LMO7: variants seen among roughly 807,000 people sequenced by gnomAD.
LMO7 encodes LIM domain 7, also known as LIM domain only protein 7.
LMO7 carries 120 observed loss-of-function variants against 206.5 expected under a neutral mutation model. The observed-to-expected ratio is 0.58, with a 90% confidence interval of 0.50 to 0.68. The LOEUF (loss-of-function observed/expected upper bound fraction) is 0.68, where lower values mean the gene tolerates loss of function less well. LMO7 is among the 30% of genes least tolerant of loss of function. LMO7 has a pLI of 0.00. For synonymous variants in LMO7, 706 were observed against 681.5 expected (o/e 1.04, Z -0.56); for missense variants, 1,959 against 1,957.9 (o/e 1.00, Z -0.01).
At chr13:75,705,091 C>T (rs573773123) in intron 1 of LMO7, among the ~76,000 whole-genome samples, 1 of 152,166 alleles carries the variant, frequency 6.6e-6, no homozygotes, top group African/African-American at 2.4e-5. Flanking sequence ...CCTCGGGAGG[C>T]CGCTCCGCCC....
chr13:75,811,852 A>T (rs2056434557), intron 11 of LMO7, among the ~76,000 whole-genome samples: 2 of 152,210 alleles, frequency 1.3e-5, no homozygotes, highest in South Asian at 4.1e-4. Flanking sequence ...GTATGTGATT[A>T]AGCTGTTGAA....
rs1250712539 is a variant in LMO7 at position 75,738,229 on chromosome 13, A to G, written c.210+11131A>G. Among the ~76,000 whole-genome samples the G allele has an allele frequency of 2.0e-5, 3 of 152,236 alleles. No homozygotes were observed. The South Asian group carries it at 6.2e-4, about 31-fold the overall frequency. The stretch of plus-strand genomic sequence containing the variant: ...TACGGTGTTCCACACCCCATCTTCC[A>G]TTACTCCTTTCTTACATCCTTTGCT... On this transcript the variant is annotated intron_variant, in intron 3 of 30. Coordinates refer to ENST00000377534, the MANE Select transcript of LMO7 (RefSeq NM_001306080.2).
intron 4 of LMO7, among the ~76,000 whole-genome samples, chr13:75,783,381 G>T (rs1413556158): frequency 6.6e-6 from 1 of 152,104 alleles, no homozygotes; most frequent in African/African-American, 2.4e-5. Flanking sequence ...AGCATGCAGT[G>T]GTGCGATTTT....
chr13:75,735,685 C>T (rs1269269352), intron 3 of LMO7, among the ~76,000 whole-genome samples: 2 of 151,112 alleles, frequency 1.3e-5, no homozygotes, highest in Non-Finnish European at 2.9e-5. Flanking sequence ...CACGTTGGCC[C>T]GGGTAGTCTT....
At chr13:75,628,994 C>T (rs2034560866) in intron 2 of LMO7, among the ~76,000 whole-genome samples, 1 of 152,198 alleles carries the variant, frequency 6.6e-6, no homozygotes, top group Non-Finnish European at 1.5e-5. Flanking sequence ...GGCTGATTTG[C>T]CCCCAGGGGA....
chr13:75,781,281 C>A (rs369791985), intron 4 of LMO7, among the ~76,000 whole-genome samples: 3 of 86,836 alleles, frequency 3.5e-5, no homozygotes, highest in South Asian at 6.0e-4. Context: ...TCCCCCCTCC[C>A]CCCACCCCAC....
Position 75,833,090 on chromosome 13 carries a change from C to A in LMO7, c.2989C>A (p.Pro997Thr). Residue 997 changes from proline to threonine, a missense_variant, in exon 16 of 31, where the codon CCT (proline) becomes ACT (threonine). Pro to Thr is a conservative substitution (Grantham distance 38). Coordinates refer to ENST00000377534, the MANE Select transcript of LMO7 (RefSeq NM_001306080.2). ...SDMRISINQTPGKSLDFGFTI... is the reference protein window; with the variant it reads ...SDMRISINQTTGKSLDFGFTI... ...TATGAGAATCAGCATAAACCAGACGCCTGGGAAGAGTCTTGACTTTGGGTT... is the reference window on the plus strand; with the variant it reads ...TATGAGAATCAGCATAAACCAGACGACTGGGAAGAGTCTTGACTTTGGGTT... 4 of 1,611,634 alleles carry A rather than the reference C, an allele frequency of 2.5e-6. No homozygotes were observed. The highest frequency in any genetic ancestry group is 2.5e-6 in the Non-Finnish European group (3 of 1,177,956).
At chr13:75,719,152 G>T (rs1448454815) in intron 2 of LMO7, among the ~76,000 whole-genome samples, 1 of 151,868 alleles carries the variant, frequency 6.6e-6, no homozygotes, top group African/African-American at 2.4e-5. Flanking sequence ...GCTAATTTTT[G>T]TATTTTTAGT....
At chr13:75,802,510 G>A (rs2054885586) in intron 7 of LMO7, among the ~76,000 whole-genome samples, 1 of 152,206 alleles carries the variant, frequency 6.6e-6, no homozygotes, top group African/African-American at 2.4e-5. Context: ...GGAAGGGATA[G>A]AGGGCATGTG....
chr13:75,668,796 G>C (rs2039294906), intron 1 of LMO7, among the ~76,000 whole-genome samples: 1 of 152,140 alleles, frequency 6.6e-6, no homozygotes. Flanking sequence ...AGAGATCATA[G>C]AAAAACAACT....
chr13:75,682,230 A>G lies in LMO7; in HGVS notation c.70-30952A>G, dbSNP rs77660546. Among the ~76,000 whole-genome samples the G allele has an allele frequency of 3.0e-3, 455 of 152,280 alleles. 3 individuals carry two copies. The highest frequency in any genetic ancestry group is 0.011 in the African/African-American group (439 of 41,552). ...GTATGCAGTAGTGGTTTTAATCTGC[A>G]TTTACCTAATGACTTAATTGTTAAG... On this transcript the variant is annotated intron_variant, in intron 1 of 30. Transcript: ENST00000377534.
intron 1 of LMO7, among the ~76,000 whole-genome samples, chr13:75,677,783 C>G (rs1442127680): frequency 9.4e-6 from 1 of 106,342 alleles, no homozygotes; most frequent in Non-Finnish European, 1.8e-5. Context: ...CTAATGCTAT[C>G]CCTCCCCCCT....
intron 15 of LMO7, among the ~76,000 whole-genome samples, chr13:75,829,970 T>C (rs1285020992): frequency 2.0e-5 from 3 of 152,168 alleles, no homozygotes; most frequent in Admixed American, 1.3e-4. Flanking sequence ...TTTTCTGGCA[T>C]GAACAACTGA....
intron 29 of LMO7, 49 bp from the exon 30 acceptor site, chr13:75,856,457 C>T: frequency 1.7e-6 from 2 of 1,183,162 alleles, no homozygotes; most frequent in Admixed American, 1.7e-5. Flanking sequence ...GTGCCCCAAG[C>T]TTTCTTGAGC....
chr13:75,665,556 C>T (rs1321237916), intron 1 of LMO7, among the ~76,000 whole-genome samples: 2 of 149,682 alleles, frequency 1.3e-5, no homozygotes, highest in Non-Finnish European at 3.0e-5. Context: ...GTCAAAGTCT[C>T]GTTCTTGTAC....
chr13:75,722,671 A>G (rs979940093), intron 2 of LMO7, among the ~76,000 whole-genome samples: 2 of 152,048 alleles, frequency 1.3e-5, no homozygotes, highest in Admixed American at 6.6e-5. Flanking sequence ...CTAGGTATCT[A>G]CCAGAGGAAA....
At chr13:75,729,203 T>C (rs2044837733) in intron 3 of LMO7, among the ~76,000 whole-genome samples, 25 of 145,358 alleles carry the variant, frequency 1.7e-4, no homozygotes, top group East Asian at 4.1e-4. Context: ...ATTGAATCTA[T>C]AAATTACCTT....
intron 1 of LMO7, among the ~76,000 whole-genome samples, chr13:75,646,675 C>A (rs753769911): frequency 7.9e-5 from 12 of 152,076 alleles, no homozygotes; most frequent in Non-Finnish European, 1.6e-4. Context: ...CCTCCACCTC[C>A]CAGGTTCAAG....
At chr13:75,795,876 C>T (rs578019715) in intron 5 of LMO7, among the ~76,000 whole-genome samples, 1 of 152,254 alleles carries the variant, frequency 6.6e-6, no homozygotes, top group East Asian at 1.9e-4. Context: ...GACTTAATAG[C>T]CAGGTGATGC....
Sources: gnomAD v4.1 joint callset for allele counts (sites outside exome capture counted in the v4.1 genomes callset) on GRCh38, gnomAD v4.1.1 for gene constraint, MANE v1.5 for transcripts, NCBI Gene and HGNC (gene_info 2026-07-23, HGNC 2026-07-21) for gene names.